TAF12: variants seen among roughly 807,000 people sequenced by gnomAD.
TAF12 encodes transcription initiation factor TFIID subunit 12.
A neutral mutation model predicts 20.8 loss-of-function variants in TAF12; 3 were observed. The observed-to-expected ratio is 0.14, with a 90% CI of 0.07 to 0.37. The LOEUF is 0.37. Among genes scored for constraint, TAF12 ranks in the 10% least tolerant of loss-of-function variants. TAF12 has a pLI of 1.00. For missense variants in TAF12, 131 were observed against 197.9 expected (o/e 0.66, Z 2.03); for synonymous variants, 69 against 70.2 (o/e 0.98, Z 0.09).
chr1:28,612,628 T>C (rs1666905150), intron 4 of TAF12, among the ~76,000 whole-genome samples: 1 of 150,916 alleles, frequency 6.6e-6, no homozygotes, highest in African/African-American at 2.4e-5. Context: ...AATCACATCG[T>C]ATCCAATGCA....
Position 28,633,833 on chromosome 1 carries a change from A to G in TAF12, c.-85+9159T>C, listed in dbSNP as rs1286599456. Among the ~76,000 whole-genome samples, 3 of 151,510 alleles carry G rather than the reference A, an allele frequency of 2.0e-5. No individual in the cohort carries two copies. In the Admixed American group the frequency reaches 2.0e-4, roughly 10 times the overall value. On this transcript the variant is annotated intron_variant, in intron 1 of 5. Transcript: ENST00000373824. The stretch of plus-strand genomic sequence containing the variant: ...AGGCTGAGGCAGGAGAATCGCTAGA[A>G]TCCGGGAGGCGGAGGTTCCGGTGAG...
upstream of TAF12, among the ~76,000 whole-genome samples, chr1:28,648,019 G>A (rs1668243062): frequency 1.3e-5 from 2 of 152,058 alleles, no homozygotes; most frequent in Non-Finnish European, 2.9e-5. Context: ...CTCCTTCGAA[G>A]TGCAGCATAT....
At chr1:28,607,725 A>C (rs1236231324) in intron 4 of TAF12, among the ~76,000 whole-genome samples, 1 of 151,984 alleles carries the variant, frequency 6.6e-6, no homozygotes, top group Non-Finnish European at 1.5e-5. Context: ...CTGTAGTCCC[A>C]ACTACTTGGG....
chr1:28,620,485 G>A (rs1339279440), intron 2 of TAF12, among the ~76,000 whole-genome samples: 1 of 151,786 alleles, frequency 6.6e-6, no homozygotes, highest in Non-Finnish European at 1.5e-5. Flanking sequence ...GCCCAGGCTG[G>A]AGTGCAGTGG....
intron 4 of TAF12, among the ~76,000 whole-genome samples, chr1:28,609,366 A>T (rs1415851474): frequency 6.7e-6 from 1 of 149,546 alleles, no homozygotes; most frequent in Non-Finnish European, 1.5e-5. Context: ...GTGAGCCACC[A>T]TGCCCGGCCT....
intron 4 of TAF12, among the ~76,000 whole-genome samples, chr1:28,607,274 G>A (rs549560227): frequency 6.6e-6 from 1 of 152,342 alleles, no homozygotes; most frequent in Non-Finnish European, 1.5e-5. Context: ...GCTCATTCCT[G>A]TAATCTCAGC....
chr1:28,640,062 C>T (rs1396574733), intron 1 of TAF12, among the ~76,000 whole-genome samples: 4 of 152,116 alleles, frequency 2.6e-5, no homozygotes, highest in African/African-American at 7.2e-5. Flanking sequence ...AGGCGGGTCT[C>T]GAACTCCTGA....
At chr1:28,638,672 G>C (rs1667926611) in intron 1 of TAF12, among the ~76,000 whole-genome samples, 1 of 149,392 alleles carries the variant, frequency 6.7e-6, no homozygotes, top group African/African-American at 2.5e-5. Flanking sequence ...TTTTAGTAGA[G>C]ACGGGGTTTT....
intron 1 of TAF12, among the ~76,000 whole-genome samples, chr1:28,639,043 G>C (rs1033368801): frequency 1.2e-4 from 18 of 151,770 alleles, no homozygotes; most frequent in African/African-American, 3.9e-4. Context: ...CCAAAGTGCT[G>C]GGATTACCGG....
At chr1:28,628,448 C>T (rs933895802) in intron 1 of TAF12, among the ~76,000 whole-genome samples, 1 of 151,872 alleles carries the variant, frequency 6.6e-6, no homozygotes, top group Non-Finnish European at 1.5e-5. Context: ...TAGGCAAACC[C>T]ATAGACAGAA....
At chr1:28,625,642 C>T (rs1423354521) in intron 1 of TAF12, among the ~76,000 whole-genome samples, 1 of 151,032 alleles carries the variant, frequency 6.6e-6, no homozygotes, top group Non-Finnish European at 1.5e-5. Flanking sequence ...CCTGGGTTCA[C>T]GCCATTCTCC....
rs577494931 is a variant in TAF12, at chr1:28,608,237, C to G, written c.362-2777G>C. Among the ~76,000 whole-genome samples the G allele has an allele frequency of 1.4e-3, 200 of 143,732 alleles. 1 individual carries two copies. The highest frequency in any genetic ancestry group is 2.6e-3 in the Non-Finnish European group (169 of 66,074). 94.3% of individuals were successfully genotyped at this position (143,732 alleles called of 152,430 possible). On this transcript the variant is annotated intron_variant, in intron 4 of 5. Transcript: ENST00000373824. ...GCGGGCGCCTGTAGTCCCAGCTACT[C>G]GGGAGGCTGAGGCAGGAGAATGGTG...
rs560380210 is a variant in TAF12 at position 28,630,859 on chromosome 1, G to A, written c.-84-8694C>T. On this transcript the variant is annotated intron_variant, in intron 1 of 5. Transcript: ENST00000373824. ...AGGAGTTCCAGACCAACCTGGCCAA[G>A]ATGGTGAAACCCTGTCTCTACTAAA... 2.0e-5 allele frequency among the ~76,000 whole-genome samples: 3 copies of A among 151,648 alleles called. No homozygotes were observed. The South Asian group carries it at 6.2e-4, about 32-fold the overall frequency.
At chr1:28,625,814 T>A (rs1281747225) in intron 1 of TAF12, among the ~76,000 whole-genome samples, 2 of 151,916 alleles carry the variant, frequency 1.3e-5, no homozygotes, top group African/African-American at 4.8e-5. Context: ...GTGCTGAGAT[T>A]ACAGGCGTGA....
intron 1 of TAF12, among the ~76,000 whole-genome samples, chr1:28,633,630 A>G (rs1396301826): frequency 1.3e-5 from 2 of 151,068 alleles, no homozygotes; most frequent in African/African-American, 4.8e-5. Context: ...TACAAAAATT[A>G]GCCGGGTATG....
At chr1:28,619,505 A>G (rs1399161261) in intron 2 of TAF12, among the ~76,000 whole-genome samples, 3 of 150,706 alleles carry the variant, frequency 2.0e-5, no homozygotes, top group Admixed American at 6.6e-5. Context: ...CTCAAAAAAA[A>G]AAAAAAATCT....
chr1:28,647,287 G>A (rs7368197), upstream of TAF12, among the ~76,000 whole-genome samples: 10 of 135,322 alleles, frequency 7.4e-5, no homozygotes, highest in Non-Finnish European at 1.5e-4. Flanking sequence ...GTCACATATT[G>A]TTTTTTTTTT....
chr1:28,625,737 T>A (rs1241746151), intron 1 of TAF12, among the ~76,000 whole-genome samples: 1 of 151,910 alleles, frequency 6.6e-6, no homozygotes, highest in Non-Finnish European at 1.5e-5. Context: ...GAGACGGGGT[T>A]TCACCGTGTT....
At chr1:28,609,898 A>C (rs376511141) in intron 4 of TAF12, among the ~76,000 whole-genome samples, 96 of 151,612 alleles carry the variant, frequency 6.3e-4, no homozygotes, top group African/African-American at 2.2e-3. Flanking sequence ...AACTCCCTGT[A>C]CCCCCTTCCC....
Sources: allele counts gnomAD v4.1 joint callset (sites outside exome capture counted in the v4.1 genomes callset), GRCh38; gene constraint gnomAD v4.1.1; transcripts MANE v1.5; gene names NCBI Gene and HGNC (gene_info 2026-07-23, HGNC 2026-07-21).